The following CNTNAP2 variants were observed in gnomAD, a reference collection of about 807,000 sequenced individuals.
CNTNAP2 encodes the protein contactin associated protein 2, also known as contactin-associated protein-like 2.
CNTNAP2 carries 98 observed loss-of-function variants against 155.2 expected under a neutral mutation model. The observed-to-expected ratio is 0.63, with a 90% CI of 0.54 to 0.75. The LOEUF (loss-of-function observed/expected upper bound fraction) is 0.75. CNTNAP2 is among the 30% of genes least tolerant of loss of function. The probability of loss-of-function intolerance (pLI) is 0.00; values close to 1 mark genes in which losing one functional copy is unlikely to be tolerated. For synonymous variants in CNTNAP2, 651 were observed against 631.2 expected, an observed-to-expected ratio of 1.03 and a Z score of -0.47; for missense variants, 1,727 against 1,688.1, an observed-to-expected ratio of 1.02 and a Z score of -0.40.
intron 21 of CNTNAP2, among the ~76,000 whole-genome samples, chr7:148,282,567 A>C (rs1006363201): frequency 6.6e-6 from 1 of 152,240 alleles, no homozygotes; most frequent in Non-Finnish European, 1.5e-5. Context: ...GTATCATTAC[A>C]TCTAATCTTT....
chr7:148,057,405 C>T (rs1017118152), intron 15 of CNTNAP2, among the ~76,000 whole-genome samples: 1 of 152,032 alleles, frequency 6.6e-6, no homozygotes, highest in Non-Finnish European at 1.5e-5. Context: ...TTTCTGGTGT[C>T]GAAAGGTCCT....
intron 1 of CNTNAP2, among the ~76,000 whole-genome samples, chr7:146,376,660 C>G (rs967727907): frequency 3.3e-5 from 5 of 152,084 alleles, no homozygotes; most frequent in African/African-American, 1.2e-4. Context: ...TGCCCCATGA[C>G]TTATCTGAAC....
At chr7:147,796,061 C>G (rs1002557634) in intron 13 of CNTNAP2, among the ~76,000 whole-genome samples, 3 of 152,064 alleles carry the variant, frequency 2.0e-5, no homozygotes, top group Non-Finnish European at 2.9e-5. Flanking sequence ...ACAGATTATC[C>G]CCTTATGTGT....
At chr7:147,195,648 A>G (rs1802783163) in intron 8 of CNTNAP2, among the ~76,000 whole-genome samples, 1 of 152,006 alleles carries the variant, frequency 6.6e-6, no homozygotes, top group Non-Finnish European at 1.5e-5. Flanking sequence ...CTTGTTAACT[A>G]TATTCCTAGG....
intron 13 of CNTNAP2, among the ~76,000 whole-genome samples, chr7:147,747,189 T>C (rs1451846345): frequency 1.3e-5 from 2 of 152,210 alleles, no homozygotes; most frequent in African/African-American, 2.4e-5. Context: ...AAACTAATTT[T>C]TTCATCTCGA....
chr7:147,493,460 C>T (rs1374130091), intron 11 of CNTNAP2, among the ~76,000 whole-genome samples: 1 of 152,072 alleles, frequency 6.6e-6, no homozygotes, highest in Admixed American at 6.6e-5. Context: ...AACTGCAGGA[C>T]CACAGGACAC....
chr7:147,383,943 C>G (rs1796584284), intron 9 of CNTNAP2, among the ~76,000 whole-genome samples: 1 of 151,818 alleles, frequency 6.6e-6, no homozygotes, highest in Non-Finnish European at 1.5e-5. Context: ...GTGACAAATT[C>G]TGTAAGAAGA....
chr7:146,907,481 G>A (rs370853489), intron 3 of CNTNAP2, among the ~76,000 whole-genome samples: 5,441 of 135,586 alleles, frequency 0.04, 120 homozygotes, highest in South Asian at 0.073. Context: ...CCAGAAGAGA[G>A]TGGGGGCCAA....
intron 22 of CNTNAP2, among the ~76,000 whole-genome samples, chr7:148,390,248 G>A (rs1047010468): frequency 6.6e-5 from 10 of 152,124 alleles, no homozygotes; most frequent in Admixed American, 2.0e-4. Context: ...ACCTAAACTT[G>A]AGGAGAACTG....
chr7:146,388,099 T>C (rs1014196822), intron 1 of CNTNAP2, among the ~76,000 whole-genome samples: 1 of 151,704 alleles, frequency 6.6e-6, no homozygotes, highest in African/African-American at 2.4e-5. Context: ...TTTATTTTTT[T>C]TTTAATTTTT....
intron 14 of CNTNAP2, among the ~76,000 whole-genome samples, chr7:147,911,745 G>T (rs192934139): frequency 1.8e-4 from 28 of 152,214 alleles, no homozygotes; most frequent in African/African-American, 6.7e-4. Flanking sequence ...TTAGTATAAT[G>T]TCCTTAAGTT....
intron 1 of CNTNAP2, among the ~76,000 whole-genome samples, chr7:146,426,922 T>C (rs1796101852): frequency 6.6e-6 from 1 of 152,110 alleles, no homozygotes; most frequent in South Asian, 2.1e-4. Flanking sequence ...AAGTTTGAGT[T>C]AGCCGTTCCA....
Position 148,383,852 on chromosome 7 carries a change from G to A in CNTNAP2, c.3679G>A (p.Ala1227Thr), listed in dbSNP as rs761684414. 13 of 1,613,840 alleles carry A rather than the reference G, an allele frequency of 8.1e-6. No homozygotes were observed. Among genetic ancestry groups the A allele is most frequent in the South Asian group, 1.1e-5 (1 of 91,058 alleles). ...GCTGACCCTCTCCCCCATGTCGTCC[G>A]CCACCGACCCCTGGCACCTGGATCA... ...SPLTLSPMSS[A>T]TDPWHLDHLD... The change falls in exon 22 of 24, where the codon GCC (alanine) becomes ACC (threonine). Residue 1227 changes from alanine to threonine, a missense_variant. By Grantham distance (58) the Ala-to-Thr change is moderately conservative. Transcript: ENST00000361727.
intron 3 of CNTNAP2, among the ~76,000 whole-genome samples, chr7:146,956,285 T>A (rs1797433966): frequency 6.6e-6 from 1 of 152,118 alleles, no homozygotes; most frequent in African/African-American, 2.4e-5. Context: ...ATGACCGTGG[T>A]AATATCAAAT....
At chr7:146,298,159 A>G (rs1283704035) in intron 1 of CNTNAP2, among the ~76,000 whole-genome samples, 1 of 152,184 alleles carries the variant, frequency 6.6e-6, no homozygotes, top group Non-Finnish European at 1.5e-5. Context: ...AGAAAAAGAC[A>G]GTCTGGGACT....
chr7:146,459,371 C>T (rs1021273331), intron 1 of CNTNAP2, among the ~76,000 whole-genome samples: 1 of 152,124 alleles, frequency 6.6e-6, no homozygotes, highest in Non-Finnish European at 1.5e-5. Flanking sequence ...GTATTACCAC[C>T]TCACTCCCTC....
At chr7:146,928,597 T>G (rs930773176) in intron 3 of CNTNAP2, among the ~76,000 whole-genome samples, 12 of 152,206 alleles carry the variant, frequency 7.9e-5, no homozygotes, top group Admixed American at 5.2e-4. Context: ...GGACAGTGGG[T>G]GCAGCGCACC....
chr7:147,528,050 G>T (rs766896513), intron 11 of CNTNAP2, among the ~76,000 whole-genome samples: 13 of 152,206 alleles, frequency 8.5e-5, no homozygotes, highest in Non-Finnish European at 1.6e-4. Flanking sequence ...CCTGTCCTGT[G>T]TTGGTTCAGG....
chr7:146,587,896 A>G (rs1270780931), intron 1 of CNTNAP2, among the ~76,000 whole-genome samples: 1 of 150,238 alleles, frequency 6.7e-6, no homozygotes, highest in African/African-American at 2.5e-5. Flanking sequence ...CTAGTCTTGA[A>G]CTCCTGACCT....
Sources: gnomAD v4.1 joint callset for allele counts (sites outside exome capture counted in the v4.1 genomes callset) on GRCh38, gnomAD v4.1.1 for gene constraint, MANE v1.5 for transcripts, NCBI Gene and HGNC (gene_info 2026-07-23, HGNC 2026-07-21) for gene names.